Variants in ZNF718 observed in about 807,000 individuals in gnomAD.
ZNF718 encodes the protein zinc finger protein 718.
A neutral mutation model predicts 2.6 loss-of-function variants in ZNF718; 3 were observed. The ratio of observed to expected loss-of-function variants is 1.16; its 90% CI spans 0.53 to 3.01. ZNF718 has a LOEUF of 3.01. Ranked by LOEUF, ZNF718 falls within the 30% of genes most tolerant of loss-of-function variation. The pLI is 0.03. For missense variants in ZNF718, 468 were observed against 230.0 expected, an observed-to-expected ratio of 2.03 and a Z score of -6.69; for synonymous variants, 135 against 77.9, an observed-to-expected ratio of 1.73 and a Z score of -3.86.
chr4:197,709 A>G (rs1489159261), intron 3 of ZNF718, among the ~76,000 whole-genome samples: 1 of 152,222 alleles, frequency 6.6e-6, no homozygotes, highest in African/African-American at 2.4e-5. Context: ...TAAGGGCAGA[A>G]CTGCACTCTA....
rs868962305 is a variant in ZNF718, at chr4:164,121, C to G, written c.*1999C>G. On this transcript the variant is annotated 3_prime_UTR_variant, in exon 4 of 4. Coordinates refer to ENST00000510175, the MANE Select transcript of ZNF718 (RefSeq NM_001039127.6). ...TATCAGAATATAATTATAATTTAGACATTTCTGTGTCCTGAATAAATATGT... is the reference window on the plus strand; with the variant it reads ...TATCAGAATATAATTATAATTTAGAGATTTCTGTGTCCTGAATAAATATGT... 2.4e-4 allele frequency: 37 copies of G among 152,054 alleles called. No homozygotes were observed. In the Middle Eastern group the frequency reaches 0.014, roughly 56 times the overall value. The allele number at this position is 152,054 out of a possible 1,614,324, so 9.4% of individuals were successfully genotyped here. A position where few individuals can be genotyped will look rare whatever the true frequency, so the allele number is the denominator to read the frequency against.
chr4:130,335 G>A (rs1715319988), intron 1 of ZNF718, among the ~76,000 whole-genome samples: 1 of 103,776 alleles, frequency 9.6e-6, no homozygotes, highest in Non-Finnish European at 2.1e-5. Context: ...AACCTTAGAG[G>A]CAATGCTTGG....
At chr4:172,024 A>G (rs1391804470) in intron 3 of ZNF718, among the ~76,000 whole-genome samples, 1 of 152,204 alleles carries the variant, frequency 6.6e-6, no homozygotes, top group African/African-American at 2.4e-5. Flanking sequence ...TCTATGACAT[A>G]CTTATAGCAA....
rs142510567 is a variant in ZNF718 at position 190,708 on chromosome 4, T to C, written c.227-10373T>C. Reference sequence around the variant, plus strand: ...AGAAGAAGTTATATAACCACAAATATACATTTATGAAAAGTAGAATGAGAG... The same window carrying C: ...AGAAGAAGTTATATAACCACAAATACACATTTATGAAAAGTAGAATGAGAG... On this transcript the variant is annotated intron_variant and NMD_transcript_variant, in intron 3 of 4. Coordinates refer to the ZNF718 transcript ENST00000642529. 2.7e-3 allele frequency among the ~76,000 whole-genome samples: 409 copies of C among 152,232 alleles called. 4 individuals carry two copies. The highest frequency in any genetic ancestry group is 8.5e-3 in the South Asian group (41 of 4,824).
intron 3 of ZNF718, among the ~76,000 whole-genome samples, chr4:148,886 C>T (rs143887489): frequency 6.6e-6 from 1 of 152,134 alleles, no homozygotes; most frequent in Non-Finnish European, 1.5e-5. Context: ...TGATCTATAG[C>T]TATGTTTACA....
At chr4:199,224 C>T (rs2108819315) in intron 3 of ZNF718, among the ~76,000 whole-genome samples, 1 of 152,356 alleles carries the variant, frequency 6.6e-6, no homozygotes, top group Admixed American at 6.5e-5. Context: ...AGGTTTGGAG[C>T]TGTCTTTGAG....
chr4:133,196 ATATATATATATATATATATAT>A (rs1715402137), intron 3 of ZNF718, among the ~76,000 whole-genome samples: 1 of 16,540 alleles, frequency 6.0e-5, no homozygotes, highest in African/African-American at 3.3e-4. Flanking sequence ...AAAAAAAAAA[ATATATATATATATATATATAT>A]ATATATATAT....
intron 3 of ZNF718, among the ~76,000 whole-genome samples, chr4:154,160 C>G (rs1553813158): frequency 1.3e-5 from 2 of 152,154 alleles, no homozygotes; most frequent in Non-Finnish European, 2.9e-5. Flanking sequence ...TGACTTTTGG[C>G]TTCTGCCATG....
At chr4:173,279 AAC>A (rs1414072293) in intron 3 of ZNF718, among the ~76,000 whole-genome samples, 1 of 152,130 alleles carries the variant, frequency 6.6e-6, no homozygotes, top group African/African-American at 2.4e-5. Context: ...ATTTACTACA[AAC>A]ACAAGCAGTA....
At chr4:126,050 C>G (rs1715201459) in intron 1 of ZNF718, among the ~76,000 whole-genome samples, 1 of 152,182 alleles carries the variant, frequency 6.6e-6, no homozygotes, top group African/African-American at 2.4e-5. Flanking sequence ...TAGCACAAAC[C>G]AGTCCTTTCA....
In ZNF718 at chr4:151,181, C is replaced by G. The variant is rs185724511; in HGVS notation, c.227-9731C>G. 2.6e-5 allele frequency among the ~76,000 whole-genome samples: 4 copies of G among 152,284 alleles called. No homozygotes were observed. The East Asian group carries it at 7.7e-4, about 29-fold the overall frequency. On this transcript the variant is annotated intron_variant, in intron 3 of 3. Transcript: ENST00000510175. The stretch of plus-strand genomic sequence containing the variant: ...GTAGTGGTGTGATCTCAGCTCCCTG[C>G]AACTTCTGCCTCCCGGGTTCAGGCA...
intron 3 of ZNF718, among the ~76,000 whole-genome samples, chr4:175,738 C>G (rs782121274): frequency 2.6e-5 from 4 of 152,022 alleles, no homozygotes; most frequent in Admixed American, 2.6e-4. Context: ...GCCTTTGTTA[C>G]CATAAACCAA....
At chr4:168,468 A>C (rs1213347222), downstream of ZNF718, among the ~76,000 whole-genome samples, 4 of 152,110 alleles carry the variant, frequency 2.6e-5, no homozygotes, top group African/African-American at 9.7e-5. Flanking sequence ...TCGGCTGTGA[A>C]TCCATCTGGT....
At chr4:138,551 C>T (rs1251263919) in intron 3 of ZNF718, among the ~76,000 whole-genome samples, 2 of 152,158 alleles carry the variant, frequency 1.3e-5, no homozygotes, top group Admixed American at 1.3e-4. Flanking sequence ...TAGGTTGCTT[C>T]TAAATTTTGG....
downstream of ZNF718, among the ~76,000 whole-genome samples, chr4:166,281 G>T (rs1248010037): frequency 6.6e-6 from 1 of 152,170 alleles, no homozygotes; most frequent in Non-Finnish European, 1.5e-5. Context: ...CCAAGTCTTT[G>T]CTATTGTGAA....
chr4:199,686 G>T (rs1553822495), intron 3 of ZNF718, among the ~76,000 whole-genome samples: 1 of 152,212 alleles, frequency 6.6e-6, no homozygotes, highest in Non-Finnish European at 1.5e-5. Flanking sequence ...TGTTGATGGG[G>T]TTAAATGGCT....
chr4:202,096 TG>T (rs1201391365), exon 5 of ZNF718: 5 of 152,332 alleles, frequency 3.3e-5, no homozygotes, highest in African/African-American at 1.2e-4. Flanking sequence ...AATTGAATCA[TG>T]GGGGCAGTTT....
At chr4:156,890 G>T (rs1716590630) in intron 3 of ZNF718, among the ~76,000 whole-genome samples, 6 of 152,088 alleles carry the variant, frequency 3.9e-5, no homozygotes, top group Admixed American at 3.9e-4. Flanking sequence ...TAACAGTGCT[G>T]CAATAATTAT....
chr4:124,656 T>G lies in ZNF718; in HGVS notation c.-15T>G. The G allele has an allele frequency of 6.2e-7, 1 of 1,608,462 alleles. No individual in the cohort carries two copies. Among genetic ancestry groups the G allele is most frequent in the Non-Finnish European group, 8.5e-7 (1 of 1,179,678 alleles). Reference sequence around the variant, plus strand: ...ATTCGTATCTAAGACTCTGGGACACTCCTGAAGTCGGGAAATGGTGAGTGT... The same window carrying G: ...ATTCGTATCTAAGACTCTGGGACACGCCTGAAGTCGGGAAATGGTGAGTGT... On this transcript the variant is annotated 5_prime_UTR_variant, in exon 1 of 4. Coordinates refer to ENST00000510175, the MANE Select transcript of ZNF718 (RefSeq NM_001039127.6).
Sources: allele counts gnomAD v4.1 joint callset (sites outside exome capture counted in the v4.1 genomes callset), GRCh38; gene constraint gnomAD v4.1.1; transcripts MANE v1.5; gene names NCBI Gene and HGNC (gene_info 2026-07-23, HGNC 2026-07-21).